The following TMTC2 variants were observed in gnomAD, a reference collection of about 807,000 sequenced individuals.
TMTC2 encodes the protein transmembrane O-mannosyltransferase targeting cadherins 2, also known as protein O-mannosyl-transferase TMTC2.
Under a neutral mutation model 82.4 loss-of-function variants are expected in TMTC2, and 43 were observed. The observed-to-expected ratio is 0.52, with a 90% confidence interval of 0.41 to 0.67. The LOEUF is 0.67. Among genes scored for constraint, TMTC2 ranks in the 30% least tolerant of loss-of-function variants. TMTC2 has a pLI of 0.00. For synonymous variants in TMTC2, 408 were observed against 381.9 expected, an observed-to-expected ratio of 1.07 and a Z score of -0.80; for missense variants, 919 against 1,012.4, an observed-to-expected ratio of 0.91 and a Z score of 1.25.
At position 82,982,603 on chromosome 12, in the gene TMTC2, G is replaced by A. The variant is rs1469200242; in HGVS notation, c.1949-3322G>A. The stretch of plus-strand genomic sequence containing the variant: ...GAATTGAATTACATATGCGTAGAAA[G>A]CAGTTTTAAAGGTCAGTCATAGATT... On this transcript the variant is annotated intron_variant, in intron 7 of 11. Transcript: ENST00000321196. Among the ~76,000 whole-genome samples the A allele has an allele frequency of 3.3e-5, 5 of 151,814 alleles. No individual in the cohort carries two copies. The East Asian group carries it at 9.6e-4, about 29-fold the overall frequency.
chr12:82,892,109 A>G (rs1475913521), intron 2 of TMTC2, among the ~76,000 whole-genome samples: 2 of 152,172 alleles, frequency 1.3e-5, no homozygotes, highest in Admixed American at 6.6e-5. Context: ...TTTCGTCCTT[A>G]CAGAACTCAC....
At position 82,943,015 on chromosome 12, in the gene TMTC2, T is replaced by A. The variant is rs144193237; in HGVS notation, c.1598+12470T>A. ...CAAGTGGTCTTAGGAAAGAAGCTGA[T>A]CTGTTCAGGTGCCTGGTGCTTGGTT... On this transcript the variant is annotated intron_variant, in intron 4 of 11. Transcript: ENST00000321196. Among the ~76,000 whole-genome samples the A allele has an allele frequency of 1.3e-3, 197 of 152,328 alleles. No homozygotes were observed. In the East Asian group the frequency reaches 0.029, roughly 22 times the overall value.
intron 1 of TMTC2, among the ~76,000 whole-genome samples, chr12:82,724,464 C>T (rs1013409962): frequency 4.6e-5 from 7 of 152,114 alleles, no homozygotes; most frequent in Non-Finnish European, 1.0e-4. Flanking sequence ...AGTGAGTTCT[C>T]ATGAGATCTG....
chr12:82,716,850 G>C (rs1312400012), intron 1 of TMTC2, among the ~76,000 whole-genome samples: 2 of 152,174 alleles, frequency 1.3e-5, no homozygotes, highest in Non-Finnish European at 2.9e-5. Context: ...TTAGTGAAAT[G>C]CTTATAAGCC....
intron 1 of TMTC2, among the ~76,000 whole-genome samples, chr12:82,793,821 C>A (rs1299655083): frequency 1.3e-5 from 2 of 152,014 alleles, no homozygotes. Context: ...TTCACTGCAG[C>A]GTGTAAAGGC....
At chr12:82,906,451 G>C (rs1359276950) in intron 3 of TMTC2, among the ~76,000 whole-genome samples, 1 of 152,094 alleles carries the variant, frequency 6.6e-6, no homozygotes, top group Middle Eastern at 3.2e-3. Flanking sequence ...GATCACATGA[G>C]GTCAGGAGTT....
chr12:83,080,395 G>A (rs1025092494), intron 11 of TMTC2, among the ~76,000 whole-genome samples: 1 of 152,084 alleles, frequency 6.6e-6, no homozygotes, highest in African/African-American at 2.4e-5. Flanking sequence ...CTGTGTGTGT[G>A]TGTGTAATGA....
At chr12:82,832,029 A>G (rs1246825099) in intron 1 of TMTC2, among the ~76,000 whole-genome samples, 5 of 152,192 alleles carry the variant, frequency 3.3e-5, no homozygotes, top group Admixed American at 3.3e-4. Flanking sequence ...CACAGTTGAT[A>G]GAAAGTGGGT....
chr12:82,719,918 AATTT>A (rs1307439748), intron 1 of TMTC2, among the ~76,000 whole-genome samples: 1 of 152,188 alleles, frequency 6.6e-6, no homozygotes, highest in Non-Finnish European at 1.5e-5. Flanking sequence ...AGTCTTTACT[AATTT>A]ATTTGTTTGT....
intron 3 of TMTC2, among the ~76,000 whole-genome samples, chr12:82,929,166 A>G (rs1305826577): frequency 1.1e-4 from 16 of 151,820 alleles, no homozygotes; most frequent in Admixed American, 9.9e-4. Flanking sequence ...CCTCGACTCT[A>G]TGGGCTCAAC....
intron 7 of TMTC2, among the ~76,000 whole-genome samples, chr12:82,975,110 A>G (rs1018113824): frequency 2.6e-5 from 4 of 152,178 alleles, no homozygotes; most frequent in East Asian, 3.9e-4. Flanking sequence ...CCATGATACT[A>G]GAAGGCTTTG....
At chr12:83,091,191 G>C (rs564835563) in intron 11 of TMTC2, among the ~76,000 whole-genome samples, 1 of 152,026 alleles carries the variant, frequency 6.6e-6, no homozygotes, top group South Asian at 2.1e-4. Context: ...GTAGTCTTTG[G>C]CATTGAACTA....
At chr12:82,956,692 G>A (rs376945687) in intron 4 of TMTC2, among the ~76,000 whole-genome samples, 1 of 152,186 alleles carries the variant, frequency 6.6e-6, no homozygotes, top group African/African-American at 2.4e-5. Context: ...GACCTCAGGT[G>A]ATCCGCCCGC....
intron 4 of TMTC2, among the ~76,000 whole-genome samples, chr12:82,957,508 A>T (rs1565827492): frequency 6.6e-6 from 1 of 152,178 alleles, no homozygotes; most frequent in Non-Finnish European, 1.5e-5. Context: ...AGGCAGAAGA[A>T]GAAAGGAAAT....
intron 8 of TMTC2, among the ~76,000 whole-genome samples, chr12:83,018,733 C>T (rs187054903): frequency 1.3e-5 from 2 of 150,848 alleles, no homozygotes; most frequent in Middle Eastern, 3.4e-3. Context: ...CTGAGTATCA[C>T]TCAGGTCTCA....
chr12:82,763,349 T>G (rs1162215342), intron 1 of TMTC2, among the ~76,000 whole-genome samples: 5 of 152,154 alleles, frequency 3.3e-5, no homozygotes, highest in Non-Finnish European at 5.9e-5. Flanking sequence ...GTTCTCAAAA[T>G]TTCCTGTACT....
intron 9 of TMTC2, among the ~76,000 whole-genome samples, chr12:83,033,050 T>C (rs973693621): frequency 3.3e-5 from 5 of 152,194 alleles, no homozygotes; most frequent in African/African-American, 1.2e-4. Context: ...TTATGAAACA[T>C]AATGTTAGGT....
intron 4 of TMTC2, among the ~76,000 whole-genome samples, chr12:82,952,215 T>C (rs568866014): frequency 6.6e-6 from 1 of 152,182 alleles, no homozygotes; most frequent in Non-Finnish European, 1.5e-5. Flanking sequence ...CTTAAAAAAA[T>C]ACTACTAATG....
chr12:83,015,384 T>C (rs1592695289), intron 8 of TMTC2, among the ~76,000 whole-genome samples: 2 of 152,314 alleles, frequency 1.3e-5, no homozygotes, highest in South Asian at 2.1e-4. Context: ...CTCTGATGAT[T>C]GGGAGTGTCT....
Sources: allele counts gnomAD v4.1 joint callset (sites outside exome capture counted in the v4.1 genomes callset), GRCh38; gene constraint gnomAD v4.1.1; transcripts MANE v1.5; gene names NCBI Gene and HGNC (gene_info 2026-07-23, HGNC 2026-07-21).